The following FRMD3 variants were observed in gnomAD, a reference collection of about 807,000 sequenced individuals.
FRMD3 encodes FERM domain containing 3.
Under a neutral mutation model 70.2 loss-of-function variants are expected in FRMD3, and 33 were observed. That is an observed-to-expected ratio of 0.47 (90% CI 0.36 to 0.63). FRMD3 has a LOEUF of 0.63. FRMD3 is among the 20% of genes least tolerant of loss of function. The probability of loss-of-function intolerance (pLI) is 0.00; values close to 1 mark genes in which losing one functional copy is unlikely to be tolerated. For synonymous variants in FRMD3, 279 were observed against 255.9 expected, an observed-to-expected ratio of 1.09 and a Z score of -0.86; for missense variants, 632 against 711.4, an observed-to-expected ratio of 0.89 and a Z score of 1.27.
At chr9:83,307,830 AT>A (rs112512395) in intron 10 of FRMD3, among the ~76,000 whole-genome samples, 2 of 152,162 alleles carry the variant, frequency 1.3e-5, no homozygotes, top group Admixed American at 6.5e-5. Flanking sequence ...CATTTAAAAA[AT>A]TTTTTTTAAA....
chr9:83,460,757 C>T (rs1254848514), intron 1 of FRMD3, among the ~76,000 whole-genome samples: 1 of 152,116 alleles, frequency 6.6e-6, no homozygotes, highest in Non-Finnish European at 1.5e-5. Flanking sequence ...TTCCCTTGCC[C>T]TTCATGGGTA....
At chr9:83,256,638 A>C (rs1187839777) in intron 13 of FRMD3, among the ~76,000 whole-genome samples, 1 of 152,170 alleles carries the variant, frequency 6.6e-6, no homozygotes, top group South Asian at 2.1e-4. Flanking sequence ...TAATGTCCAC[A>C]GTCTACAAGG....
intron 1 of FRMD3, among the ~76,000 whole-genome samples, chr9:83,522,987 A>C (rs1829609556): frequency 1.3e-5 from 2 of 152,288 alleles, no homozygotes; most frequent in East Asian, 3.9e-4. Flanking sequence ...ATAACATCCT[A>C]GTATTTTTCT....
At chr9:83,277,918 T>C (rs956844688) in intron 13 of FRMD3, among the ~76,000 whole-genome samples, 4 of 152,196 alleles carry the variant, frequency 2.6e-5, no homozygotes, top group African/African-American at 9.7e-5. Flanking sequence ...AAGTCCTTGC[T>C]CTTTTGGAGC....
rs1400066652 is a variant in FRMD3, at chr9:83,507,491, C to T, written c.147+30594G>A. Among the ~76,000 whole-genome samples the T allele has an allele frequency of 3.9e-4, 58 of 148,882 alleles. 1 individual carries two copies. The highest frequency in any genetic ancestry group is 1.5e-3 in the Admixed American group (23 of 14,900). Reference sequence around the variant, plus strand: ...GACCATCCTGGCTAACAAGGTGAAACCCCGTCTCTACTAAAAAATAAAGAA... The same window carrying T: ...GACCATCCTGGCTAACAAGGTGAAATCCCGTCTCTACTAAAAAATAAAGAA... On this transcript the variant is annotated intron_variant, in intron 1 of 13. Transcript: ENST00000304195.
chr9:83,418,121 G>A (rs1362925994), intron 1 of FRMD3, among the ~76,000 whole-genome samples: 1 of 151,382 alleles, frequency 6.6e-6, no homozygotes, highest in Non-Finnish European at 1.5e-5. Flanking sequence ...ACTGGGGTGG[G>A]GGGGATATTT....
At chr9:83,507,558 T>C (rs28428924) in intron 1 of FRMD3, among the ~76,000 whole-genome samples, 4 of 146,796 alleles carry the variant, frequency 2.7e-5, no homozygotes, top group East Asian at 4.0e-4. Flanking sequence ...TAGTCCCAGT[T>C]ACTTGGGAGG....
chr9:83,472,704 T>C (rs1458833373), intron 1 of FRMD3, among the ~76,000 whole-genome samples: 1 of 152,204 alleles, frequency 6.6e-6, no homozygotes, highest in East Asian at 1.9e-4. Context: ...GAATCACTTT[T>C]TGTGTGAATG....
intron 13 of FRMD3, among the ~76,000 whole-genome samples, chr9:83,260,181 A>G (rs532393502): frequency 6.6e-6 from 1 of 152,318 alleles, no homozygotes; most frequent in East Asian, 1.9e-4. Flanking sequence ...AGACAGGGGC[A>G]CTAAGATTTT....
chr9:83,583,805 C>T, the FRMD3 span, among the ~76,000 whole-genome samples: 3 of 152,096 alleles, frequency 2.0e-5, no homozygotes, highest in Admixed American at 6.5e-5. Flanking sequence ...GATGGGGTCT[C>T]ACTATGTTGC....
chr9:83,519,989 GT>G (rs1829536023), intron 1 of FRMD3, among the ~76,000 whole-genome samples: 1 of 152,106 alleles, frequency 6.6e-6, no homozygotes, highest in South Asian at 2.1e-4. Flanking sequence ...ACTGGGGCCT[GT>G]TGGGGGATGG....
rs146455529 is a variant in FRMD3, at chr9:83,422,053, C to T, written c.148-32345G>A. On this transcript the variant is annotated intron_variant, in intron 1 of 13. Transcript: ENST00000304195. The stretch of plus-strand genomic sequence containing the variant: ...CAGCCTGGCCAACGTGGTGAAACCC[C>T]GTCTCGACTAAAAATACAAAATTTA... 2.6e-3 allele frequency among the ~76,000 whole-genome samples: 397 copies of T among 152,124 alleles called. 14 individuals carry two copies. The East Asian group carries it at 0.061, about 23-fold the overall frequency.
At chr9:83,425,910 A>AG (rs1315135388) in intron 1 of FRMD3, among the ~76,000 whole-genome samples, 2 of 143,194 alleles carry the variant, frequency 1.4e-5, no homozygotes, top group Non-Finnish European at 3.0e-5. Flanking sequence ...TCCGTCTCAA[A>AG]AAAAAAAAAA....
chr9:83,536,930 TAAAA>T (rs142272516), intron 1 of FRMD3, among the ~76,000 whole-genome samples: 77 of 60,898 alleles, frequency 1.3e-3, no homozygotes, highest in African/African-American at 3.1e-3. Flanking sequence ...TGTATTACAC[TAAAA>T]AAAAAAAAAA....
Position 83,376,902 on chromosome 9 carries a change from T to C in FRMD3, c.253-3947A>G, listed in dbSNP as rs140194983. Among the ~76,000 whole-genome samples, 841 of 152,286 alleles carry C rather than the reference T, an allele frequency of 5.5e-3. 9 individuals carry two copies. The highest frequency in any genetic ancestry group is 0.019 in the African/African-American group (795 of 41,562). The stretch of plus-strand genomic sequence containing the variant: ...GTGCAACAAGCAATGAGCATGGTAG[T>C]GTGTCCAATATGATCCTAGGGGTGC... On this transcript the variant is annotated intron_variant, in intron 2 of 13. Coordinates refer to ENST00000304195, the MANE Select transcript of FRMD3 (RefSeq NM_174938.6).
At chr9:83,514,651 C>G (rs111626087) in intron 1 of FRMD3, among the ~76,000 whole-genome samples, 5 of 152,202 alleles carry the variant, frequency 3.3e-5, no homozygotes, top group African/African-American at 1.2e-4. Flanking sequence ...TCCCTGACCC[C>G]CATGCCTACT....
At chr9:83,443,109 C>A (rs1827352245) in intron 1 of FRMD3, among the ~76,000 whole-genome samples, 1 of 152,068 alleles carries the variant, frequency 6.6e-6, no homozygotes, top group African/African-American at 2.4e-5. Context: ...TTCTTATTAT[C>A]TTTCACTTTT....
chr9:83,402,967 G>C (rs12000173), intron 1 of FRMD3, among the ~76,000 whole-genome samples: 1 of 140,288 alleles, frequency 7.1e-6, no homozygotes, highest in Non-Finnish European at 1.5e-5. Context: ...ACAATGGCGC[G>C]ATCTTGGCTC....
At chr9:83,432,659 A>G in intron 1 of FRMD3, among the ~76,000 whole-genome samples, 1 of 152,242 alleles carries the variant, frequency 6.6e-6, no homozygotes, top group Non-Finnish European at 1.5e-5. Flanking sequence ...CTGAATAAAT[A>G]TCTGTTTGTA....
Sources: gnomAD v4.1 joint callset for allele counts (sites outside exome capture counted in the v4.1 genomes callset) on GRCh38, gnomAD v4.1.1 for gene constraint, MANE v1.5 for transcripts, NCBI Gene and HGNC (gene_info 2026-07-23, HGNC 2026-07-21) for gene names.